Variants in GPC5 observed in about 807,000 individuals in gnomAD.
GPC5 encodes the protein glypican-5.
A neutral mutation model predicts 53.9 loss-of-function variants in GPC5; 47 were observed. That is an observed-to-expected ratio of 0.87 (90% CI 0.69 to 1.11). The LOEUF (loss-of-function observed/expected upper bound fraction) is 1.11. Ranked by LOEUF, GPC5 falls within the 50% of genes most tolerant of loss-of-function variation. The pLI is 0.00. For synonymous variants in GPC5, 286 were observed against 263.3 expected, an observed-to-expected ratio of 1.09 and a Z score of -0.84; for missense variants, 748 against 713.1, an observed-to-expected ratio of 1.05 and a Z score of -0.56.
At chr13:92,154,045 A>T (rs2041925656) in intron 7 of GPC5, among the ~76,000 whole-genome samples, 1 of 152,210 alleles carries the variant, frequency 6.6e-6, no homozygotes. Flanking sequence ...CTGTGTGAGA[A>T]GCCTGGTGCA....
intron 7 of GPC5, among the ~76,000 whole-genome samples, chr13:92,829,526 A>G (rs1322158589): frequency 6.6e-6 from 1 of 152,202 alleles, no homozygotes; most frequent in Non-Finnish European, 1.5e-5. Context: ...GTTTCTGCAG[A>G]ACAAAATCAT....
chr13:91,770,704 T>TGTGTG lies in GPC5; in HGVS notation c.1280+14284_1280+14285insGTGTG, dbSNP rs2037607543. ...TTCAAAGACTGGGGAGACTGTGTGTTTGTGTGTGTGTGTGTGTGTGTGTGT... is the reference window on the plus strand; with the variant it reads ...TTCAAAGACTGGGGAGACTGTGTGTTGTGTGTGTGTGTGTGTGTGTGTGTGTGTGT... On this transcript the variant is annotated intron_variant, in intron 5 of 7. Transcript: ENST00000377067. 4.3e-4 allele frequency among the ~76,000 whole-genome samples: 62 copies of TGTGTG among 145,660 alleles called. No individual in the cohort carries two copies. In the East Asian group the frequency reaches 4.8e-3, roughly 11 times the overall value.
intron 7 of GPC5, among the ~76,000 whole-genome samples, chr13:92,168,791 A>G (rs2042049162): frequency 6.6e-6 from 1 of 152,208 alleles, no homozygotes; most frequent in African/African-American, 2.4e-5. Flanking sequence ...TCAGAGACCT[A>G]GAGCCAGAAA....
At chr13:92,506,297 AAG>A (rs1235938068) in intron 7 of GPC5, among the ~76,000 whole-genome samples, 1 of 152,156 alleles carries the variant, frequency 6.6e-6, no homozygotes, top group Non-Finnish European at 1.5e-5. Context: ...ATATGAATGA[AAG>A]AGTTCTAAGG....
intron 7 of GPC5, among the ~76,000 whole-genome samples, chr13:92,254,633 A>C (rs2042714589): frequency 6.6e-6 from 1 of 152,166 alleles, no homozygotes; most frequent in Non-Finnish European, 1.5e-5. Flanking sequence ...TAAAGGAAAG[A>C]GGTTTAATTG....
intron 7 of GPC5, among the ~76,000 whole-genome samples, chr13:92,495,284 G>A (rs1293602352): frequency 1.3e-5 from 2 of 152,096 alleles, no homozygotes; most frequent in Non-Finnish European, 2.9e-5. Context: ...GAAGTTTACT[G>A]AACTAAATTA....
chr13:92,545,490 A>G (rs928297431), intron 7 of GPC5, among the ~76,000 whole-genome samples: 7 of 152,158 alleles, frequency 4.6e-5, no homozygotes, highest in Non-Finnish European at 7.3e-5. Context: ...CTGAGGAATC[A>G]CCACACTGAC....
chr13:92,519,426 G>A (rs1177037603), intron 7 of GPC5, among the ~76,000 whole-genome samples: 1 of 152,134 alleles, frequency 6.6e-6, no homozygotes, highest in Non-Finnish European at 1.5e-5. Context: ...ATAACAAACT[G>A]TCTCTCAGAC....
chr13:91,693,191 C>A lies in GPC5; in HGVS notation c.330C>A (p.Thr110=). 1 of 1,610,948 alleles carries A rather than the reference C, an allele frequency of 6.2e-7. No individual in the cohort carries two copies. Among genetic ancestry groups the A allele is most frequent in the Non-Finnish European group, 8.5e-7 (1 of 1,177,990 alleles). Residue 110 remains threonine, a synonymous_variant, in exon 3 of 8, where the codon ACC becomes ACA. Transcript: ENST00000377067. ...TTACCTCTGCTTGTGTTACAGAAAC[C>A]CTTGAAACTCTCATCAAACAAGCAG... The part of the protein sequence containing the change: ...ISRNAAAFQE[T]LETLIKQAEN...
intron 3 of GPC5, among the ~76,000 whole-genome samples, chr13:91,718,989 T>C (rs1216090500): frequency 1.3e-5 from 2 of 152,170 alleles, no homozygotes; most frequent in Non-Finnish European, 2.9e-5. Flanking sequence ...GAGGGCAAAA[T>C]GTATTTTATT....
intron 2 of GPC5, among the ~76,000 whole-genome samples, chr13:91,642,200 C>T (rs1053469658): frequency 1.3e-5 from 2 of 152,130 alleles, no homozygotes; most frequent in African/African-American, 4.8e-5. Flanking sequence ...CTCTAAACTT[C>T]AAGGAATGCA....
chr13:91,851,784 AATG>A (rs904017903), intron 5 of GPC5, among the ~76,000 whole-genome samples: 1 of 141,470 alleles, frequency 7.1e-6, no homozygotes, highest in African/African-American at 2.7e-5. Flanking sequence ...GTTTACTGAG[AATG>A]ATGATTTCCA....
intron 7 of GPC5, among the ~76,000 whole-genome samples, chr13:92,654,651 C>A (rs558007687): frequency 6.6e-6 from 1 of 151,730 alleles, no homozygotes; most frequent in Non-Finnish European, 1.5e-5. Flanking sequence ...TTGTTGAAAT[C>A]GTTTGACAAA....
intron 6 of GPC5, among the ~76,000 whole-genome samples, chr13:91,988,652 T>G (rs573651086): frequency 6.6e-6 from 1 of 152,312 alleles, no homozygotes; most frequent in African/African-American, 2.4e-5. Context: ...AATTTCTGAT[T>G]GGTCACGATT....
chr13:91,625,358 T>C (rs1017065120), intron 2 of GPC5, among the ~76,000 whole-genome samples: 1 of 152,074 alleles, frequency 6.6e-6, no homozygotes, highest in Admixed American at 6.6e-5. Flanking sequence ...TAATGTAAAA[T>C]AATTAACACT....
chr13:91,927,281 C>A (rs1335377922), intron 6 of GPC5, among the ~76,000 whole-genome samples: 1 of 152,034 alleles, frequency 6.6e-6, no homozygotes, highest in African/African-American at 2.4e-5. Context: ...CAGCAGAAAA[C>A]CCTGTCGTGC....
At chr13:92,077,503 C>T (rs2041261588) in intron 6 of GPC5, among the ~76,000 whole-genome samples, 2 of 152,090 alleles carry the variant, frequency 1.3e-5, no homozygotes. Context: ...TGGAGGTTGG[C>T]CCCGTTTCAT....
At chr13:92,327,124 T>G (rs1336323657) in intron 7 of GPC5, among the ~76,000 whole-genome samples, 2 of 152,202 alleles carry the variant, frequency 1.3e-5, no homozygotes, top group Non-Finnish European at 2.9e-5. Context: ...TTGTTAATGA[T>G]ATTTCACTTC....
intron 2 of GPC5, among the ~76,000 whole-genome samples, chr13:91,526,041 A>T (rs562040210): frequency 6.6e-6 from 1 of 152,178 alleles, no homozygotes; most frequent in African/African-American, 2.4e-5. Flanking sequence ...CATGATAATG[A>T]TAAAATGGAA....
Sources: allele counts gnomAD v4.1 joint callset (sites outside exome capture counted in the v4.1 genomes callset), GRCh38; gene constraint gnomAD v4.1.1; transcripts MANE v1.5; gene names NCBI Gene and HGNC (gene_info 2026-07-23, HGNC 2026-07-21).